The following PCDHGA7 variants were observed in gnomAD, a reference collection of about 807,000 sequenced individuals.
PCDHGA7 encodes the protein protocadherin gamma-A7.
Under a neutral mutation model 58.3 loss-of-function variants are expected in PCDHGA7, and 44 were observed. The ratio of observed to expected loss-of-function variants is 0.75; its 90% CI spans 0.59 to 0.97. PCDHGA7 has a LOEUF of 0.97. Ranked by LOEUF, PCDHGA7 falls within the 50% of genes least tolerant of loss-of-function variation. The pLI is 0.00. For missense variants in PCDHGA7, 1,266 were observed against 1,188.7 expected, an observed-to-expected ratio of 1.06 and a Z score of -0.96; for synonymous variants, 516 against 504.2, an observed-to-expected ratio of 1.02 and a Z score of -0.31.
At chr5:141,446,718 C>T (rs1279970040) in intron 1 of PCDHGA7, among the ~76,000 whole-genome samples, 4 of 152,174 alleles carry the variant, frequency 2.6e-5, no homozygotes, top group South Asian at 2.1e-4. Flanking sequence ...CTGCCCGCCT[C>T]GGCCTCCCAA....
At chr5:141,410,281 G>A (rs368378842) in intron 1 of PCDHGA7, 33 of 1,613,938 alleles carry the variant, frequency 2.0e-5, no homozygotes, top group Non-Finnish European at 2.0e-5. Context: ...TTTACCTGGT[G>A]GTGGCCTTGG....
intron 1 of PCDHGA7, chr5:141,441,801 G>A (rs954094882): frequency 7.8e-6 from 3 of 384,492 alleles, no homozygotes; most frequent in African/African-American, 4.4e-5. Flanking sequence ...CGCACCGCGG[G>A]TGCTGTACCC....
chr5:141,393,910 T>C, intron 1 of PCDHGA7: 1 of 1,613,998 alleles, frequency 6.2e-7, no homozygotes, highest in Admixed American at 1.7e-5. Flanking sequence ...GGGACAGTAA[T>C]TGCCTTCTTG....
chr5:141,423,348 C>G, intron 1 of PCDHGA7: 1 of 1,614,222 alleles, frequency 6.2e-7, no homozygotes. Flanking sequence ...TCTTCCTGGT[C>G]TTTGTCATCG....
At chr5:141,421,320 G>T (rs1561793188) in intron 1 of PCDHGA7, 2 of 1,613,786 alleles carry the variant, frequency 1.2e-6, no homozygotes, top group Non-Finnish European at 1.7e-6. Flanking sequence ...GGGCCAGGCA[G>T]ATCCGATATT....
At chr5:141,413,844 C>A in intron 1 of PCDHGA7, 2 of 1,613,254 alleles carry the variant, frequency 1.2e-6, no homozygotes, top group Non-Finnish European at 1.7e-6. Context: ...ACGGGGGTGA[C>A]CCTCTCCGAT....
chr5:141,414,181 A>G, intron 1 of PCDHGA7: 2 of 1,609,294 alleles, frequency 1.2e-6, no homozygotes, highest in South Asian at 1.1e-5. Context: ...TGCAACTGCA[A>G]AAGTGTTGAT....
rs545421792 is a variant in PCDHGA7 at position 141,414,806 on chromosome 5, C to T, written c.2424+29483C>T. ...GTGACAGCCAGCGACAGCGGGGATC[C>T]TCCACTCAGCAGCAACGTGTCGTTG... On this transcript the variant is annotated intron_variant, in intron 1 of 3. Coordinates refer to ENST00000518325, the MANE Select transcript of PCDHGA7 (RefSeq NM_018920.4). 2.2e-5 allele frequency: 36 copies of T among 1,614,244 alleles called. No individual in the cohort carries two copies. The South Asian group carries it at 3.1e-4, about 14-fold the overall frequency.
intron 1 of PCDHGA7, chr5:141,410,438 G>A (rs957017717): frequency 2.5e-6 from 4 of 1,613,894 alleles, no homozygotes; most frequent in African/African-American, 2.7e-5. Flanking sequence ...CTACAGTGAG[G>A]GGACTTTGCC....
At chr5:141,408,914 A>C in intron 1 of PCDHGA7, 1 of 1,613,446 alleles carries the variant, frequency 6.2e-7, no homozygotes, top group Non-Finnish European at 8.5e-7. Context: ...TACCAATGAT[A>C]ACCCCCCGGT....
chr5:141,413,387 T>G (rs902208287), intron 1 of PCDHGA7: 1 of 1,613,908 alleles, frequency 6.2e-7, no homozygotes, highest in Non-Finnish European at 8.5e-7. Context: ...GTCCGCATAG[T>G]CTCCAGAGGT....
chr5:141,393,988 T>C (rs765412193), intron 1 of PCDHGA7: 1 of 1,613,578 alleles, frequency 6.2e-7, no homozygotes, highest in Non-Finnish European at 8.5e-7. Context: ...AATTTACCTT[T>C]TAAATTAGAA....
chr5:141,492,398 C>T (rs1347317333), intron 1 of PCDHGA7, among the ~76,000 whole-genome samples: 2 of 152,244 alleles, frequency 1.3e-5, no homozygotes, highest in Non-Finnish European at 1.5e-5. Flanking sequence ...CCACTCGCAG[C>T]TCCCCTCTGC....
rs753503057 is a variant in PCDHGA7 at position 141,400,154 on chromosome 5, T to A, written c.2424+14831T>A. 8 of 1,614,074 alleles carry A rather than the reference T, an allele frequency of 5.0e-6. 1 individual carries two copies. In the South Asian group the frequency reaches 6.6e-5, roughly 13 times the overall value. On this transcript the variant is annotated intron_variant, in intron 1 of 3. Coordinates refer to ENST00000518325, the MANE Select transcript of PCDHGA7 (RefSeq NM_018920.4). ...CTGCCGGATATCACTGACCGCCCTG[T>A]ACCCTCTGACCCCCAGGCTGAGCTG...
chr5:141,511,267 C>A lies in PCDHGA7; in HGVS notation c.*94C>A, dbSNP rs1223074819. The A allele has an allele frequency of 6.5e-7, 1 of 1,549,404 alleles. No individual in the cohort carries two copies. Among genetic ancestry groups the A allele is most frequent in the Non-Finnish European group, 8.7e-7 (1 of 1,146,836 alleles). Reference sequence around the variant, plus strand: ...CCAGGCCTCAGAGTTTCAGGGCTAACCCCCAGAATACTGGTAGGGGCCAAG... The same window carrying A: ...CCAGGCCTCAGAGTTTCAGGGCTAAACCCCAGAATACTGGTAGGGGCCAAG... On this transcript the variant is annotated 3_prime_UTR_variant, in exon 4 of 4. Coordinates refer to ENST00000518325, the MANE Select transcript of PCDHGA7 (RefSeq NM_018920.4).
At chr5:141,424,094 A>G (rs1036391991) in intron 1 of PCDHGA7, 11 of 864,422 alleles carry the variant, frequency 1.3e-5, no homozygotes, top group Non-Finnish European at 1.4e-5. Context: ...ATTATTTGCT[A>G]TTACTGCTAA....
At position 141,432,455 on chromosome 5, in the gene PCDHGA7, G is replaced by A; in HGVS notation, c.2424+47132G>A. The A allele has an allele frequency of 6.2e-7, 1 of 1,614,176 alleles. No individual in the cohort carries two copies. The highest frequency in any genetic ancestry group is 8.5e-7 in the Non-Finnish European group (1 of 1,180,042). On this transcript the variant is annotated intron_variant, in intron 1 of 3. Transcript: ENST00000518325. The surrounding 1 kb of genome is among the most constrained non-coding windows in gnomAD (Gnocchi z 6.0). ...CAATGCGCCCGAGATCCTGTACCCCGCCCTCCCCACGGACGGTTCCACTGG... is the reference window on the plus strand; with the variant it reads ...CAATGCGCCCGAGATCCTGTACCCCACCCTCCCCACGGACGGTTCCACTGG...
At chr5:141,468,382 G>T (rs1247387630) in intron 1 of PCDHGA7, 1 of 151,194 alleles carries the variant, frequency 6.6e-6, no homozygotes, top group Non-Finnish European at 1.5e-5. Context: ...GCCATACAAG[G>T]CTACCCATTT....
At chr5:141,409,133 G>A in intron 1 of PCDHGA7, 1 of 1,614,002 alleles carries the variant, frequency 6.2e-7, no homozygotes, top group Non-Finnish European at 8.5e-7. Flanking sequence ...TGATTTTGAA[G>A]ATGTAGAAAG....
Sources: gnomAD v4.1 joint callset for allele counts (sites outside exome capture counted in the v4.1 genomes callset) on GRCh38, gnomAD v4.1.1 for gene constraint, Gnocchi (gnomAD v3.1) non-coding constraint, MANE v1.5 for transcripts, NCBI Gene and HGNC (gene_info 2026-07-23, HGNC 2026-07-21) for gene names.